The following LRRFIP2 variants were observed in gnomAD, a reference collection of about 807,000 sequenced individuals.
LRRFIP2 encodes the protein leucine-rich repeat flightless-interacting protein 2.
Under a neutral mutation model 125.9 loss-of-function variants are expected in LRRFIP2, and 109 were observed. That is an observed-to-expected ratio of 0.87 (90% CI 0.74 to 1.01). LRRFIP2 has a LOEUF of 1.01. Among genes scored for constraint, LRRFIP2 ranks in the 50% least tolerant of loss-of-function variants. The pLI, the probability that LRRFIP2 is intolerant of heterozygous loss-of-function variation, is 0.00. For missense variants in LRRFIP2, 850 were observed against 862.3 expected, an observed-to-expected ratio of 0.99 and a Z score of 0.18; for synonymous variants, 291 against 293.1, an observed-to-expected ratio of 0.99 and a Z score of 0.07.
At chr3:37,100,242 T>C (rs895287279) in intron 15 of LRRFIP2, among the ~76,000 whole-genome samples, 1 of 152,004 alleles carries the variant, frequency 6.6e-6, no homozygotes, top group Non-Finnish European at 1.5e-5. Flanking sequence ...GGAAGATCAG[T>C]TGAGCCCAAG....
chr3:37,149,075 C>T, intron 1 of LRRFIP2, 37 bp from the exon 2 acceptor site: 2 of 1,520,782 alleles, frequency 1.3e-6, no homozygotes, highest in Middle Eastern at 1.8e-4. Context: ...TAAGGTATTT[C>T]TTTGTGCAAT....
chr3:37,164,398 T>G (rs574080188), intron 1 of LRRFIP2, among the ~76,000 whole-genome samples: 1 of 152,310 alleles, frequency 6.6e-6, no homozygotes, highest in South Asian at 2.1e-4. Context: ...TACTCCTATT[T>G]TAATAACATT....
intron 2 of LRRFIP2, among the ~76,000 whole-genome samples, chr3:37,141,426 C>T (rs1167528950): frequency 6.6e-6 from 1 of 152,186 alleles, no homozygotes; most frequent in African/African-American, 2.4e-5. Flanking sequence ...TGGCAGTTTC[C>T]CACCATAGTG....
At chr3:37,163,414 T>A (rs1277418072) in intron 1 of LRRFIP2, among the ~76,000 whole-genome samples, 1 of 152,202 alleles carries the variant, frequency 6.6e-6, no homozygotes, top group Non-Finnish European at 1.5e-5. Flanking sequence ...TACCACATCC[T>A]GGCCTGGCCC....
chr3:37,083,552 A>C, intron 19 of LRRFIP2, 84 bp downstream of exon 19: 1 of 1,036,404 alleles, frequency 9.6e-7, no homozygotes, highest in South Asian at 2.0e-5. Flanking sequence ...TCATTCCTAA[A>C]TAAGTATGCT....
At chr3:37,153,530 G>A (rs2096089480) in intron 1 of LRRFIP2, among the ~76,000 whole-genome samples, 1 of 152,132 alleles carries the variant, frequency 6.6e-6, no homozygotes, top group Non-Finnish European at 1.5e-5. Flanking sequence ...GCATTCTTTT[G>A]AATGTACTTC....
At chr3:37,106,966 G>A (rs148869821) in intron 13 of LRRFIP2, among the ~76,000 whole-genome samples, 2,402 of 150,332 alleles carry the variant, frequency 0.016, 76 homozygotes, top group African/African-American at 0.055. Context: ...GTGCAATGGC[G>A]TGATCTTGGC....
intron 15 of LRRFIP2, among the ~76,000 whole-genome samples, chr3:37,101,230 G>A (rs888399920): frequency 2.0e-5 from 3 of 151,880 alleles, no homozygotes; most frequent in African/African-American, 7.3e-5. Flanking sequence ...GGTGGCAGAC[G>A]CCTGTAATCC....
At chr3:37,138,869 CT>C (rs747744287) in intron 2 of LRRFIP2, among the ~76,000 whole-genome samples, 21 of 152,172 alleles carry the variant, frequency 1.4e-4, no homozygotes, top group Non-Finnish European at 2.8e-4. Context: ...GAACTTTCAC[CT>C]TTTCACTTAA....
At chr3:37,114,491 T>C (rs190332244) in intron 7 of LRRFIP2, among the ~76,000 whole-genome samples, 9 of 152,160 alleles carry the variant, frequency 5.9e-5, no homozygotes, top group Admixed American at 5.9e-4. Context: ...AGAAAAGATA[T>C]ATTACTACCA....
chr3:37,164,617 A>C (rs2096430449), intron 1 of LRRFIP2, among the ~76,000 whole-genome samples: 1 of 151,692 alleles, frequency 6.6e-6, no homozygotes, highest in Admixed American at 6.6e-5. Context: ...GCCACATGGG[A>C]GGCAGAGGCG....
At chr3:37,091,567 TA>T in intron 17 of LRRFIP2, 29 bp from the exon 18 acceptor site, 1 of 1,498,062 alleles carries the variant, frequency 6.7e-7, no homozygotes, top group Non-Finnish European at 9.2e-7. Context: ...AACCATTGCA[TA>T]AAACCATGCA....
chr3:37,085,387 G>C (rs766240001), intron 18 of LRRFIP2, among the ~76,000 whole-genome samples: 2 of 151,566 alleles, frequency 1.3e-5, no homozygotes, highest in East Asian at 3.9e-4. Flanking sequence ...CGGGCATGGT[G>C]GTGGGTGCCT....
Position 37,055,524 on chromosome 3 carries a change from C to T in LRRFIP2, c.1871-359G>A, listed in dbSNP as rs112035468. On this transcript the variant is annotated intron_variant, in intron 25 of 27. Transcript: ENST00000336686. ...GAGGTTGCAGTGAGCTAAGATCGCG[C>T]CACTGCACTCCAGCCTGGCAACAGA... 5.3e-5 allele frequency among the ~76,000 whole-genome samples: 8 copies of T among 152,252 alleles called. 2 individuals are homozygous for T. Among genetic ancestry groups the T allele is most frequent in the African/African-American group, 1.9e-4 (8 of 41,530 alleles).
At chr3:37,163,032 C>G (rs1174633151) in intron 1 of LRRFIP2, among the ~76,000 whole-genome samples, 1 of 152,220 alleles carries the variant, frequency 6.6e-6, no homozygotes, top group Non-Finnish European at 1.5e-5. Flanking sequence ...CACATTTCTT[C>G]TAGATATTTA....
chr3:37,161,911 G>A (rs1051974573), intron 1 of LRRFIP2, among the ~76,000 whole-genome samples: 16 of 151,884 alleles, frequency 1.1e-4, no homozygotes, highest in Admixed American at 2.0e-4. Flanking sequence ...GGCTGGGTGC[G>A]GTGGTTCATG....
intron 1 of LRRFIP2, among the ~76,000 whole-genome samples, chr3:37,153,805 C>G (rs1401895862): frequency 6.6e-6 from 1 of 152,118 alleles, no homozygotes; most frequent in Non-Finnish European, 1.5e-5. Context: ...CTTGTCATAT[C>G]TACAGAGAAC....
chr3:37,133,052 C>T (rs919741540), intron 2 of LRRFIP2, among the ~76,000 whole-genome samples: 3 of 152,064 alleles, frequency 2.0e-5, no homozygotes, highest in African/African-American at 7.2e-5. Context: ...GGCGAAATCC[C>T]GTCTCTACTA....
intron 1 of LRRFIP2, among the ~76,000 whole-genome samples, chr3:37,172,183 C>T (rs1417558023): frequency 2.0e-5 from 3 of 152,182 alleles, no homozygotes; most frequent in Non-Finnish European, 4.4e-5. Flanking sequence ...AAAATACATT[C>T]TGTATAGATA....
Sources: allele counts gnomAD v4.1 joint callset (sites outside exome capture counted in the v4.1 genomes callset), GRCh38; gene constraint gnomAD v4.1.1; transcripts MANE v1.5; gene names NCBI Gene and HGNC (gene_info 2026-07-23, HGNC 2026-07-21).